Variants in NFX1 observed in about 807,000 individuals in gnomAD.
NFX1 encodes the protein transcriptional repressor NF-X1.
Under a neutral mutation model 137.2 loss-of-function variants are expected in NFX1, and 69 were observed. The ratio of observed to expected loss-of-function variants is 0.50; its 90% CI spans 0.41 to 0.61. NFX1 has a LOEUF of 0.61. Ranked by LOEUF, NFX1 falls within the 20% of genes least tolerant of loss-of-function variation. The pLI, the probability that NFX1 is intolerant of heterozygous loss-of-function variation, is 0.00. For missense variants in NFX1, 1,167 were observed against 1,391.0 expected (o/e 0.84, Z 2.56); for synonymous variants, 495 against 474.1 (o/e 1.04, Z -0.57).
At chr9:33,366,507 A>G (rs1824173476) in intron 21 of NFX1, 122 bp from the exon 22 acceptor site, 2 of 1,183,444 alleles carry the variant, frequency 1.7e-6, no homozygotes, top group Non-Finnish European at 2.4e-6. Flanking sequence ...AAAATGCTCT[A>G]TGCTGTGGGC....
intron 7 of NFX1, 32 bp downstream of exon 7, chr9:33,313,825 TG>T: frequency 6.3e-7 from 1 of 1,599,182 alleles, no homozygotes; most frequent in Non-Finnish European, 8.6e-7. Context: ...TAGCAATGCT[TG>T]TGTTCTTTTC....
chr9:33,317,429 AAAAAAAG>A (rs1392851771), intron 7 of NFX1, among the ~76,000 whole-genome samples: 6 of 150,330 alleles, frequency 4.0e-5, no homozygotes, highest in Non-Finnish European at 8.9e-5. Flanking sequence ...CAAAAAAAAA[AAAAAAAG>A]AAAGAAAGAA....
At chr9:33,318,395 G>A (rs1475832512) in intron 7 of NFX1, among the ~76,000 whole-genome samples, 3 of 152,152 alleles carry the variant, frequency 2.0e-5, no homozygotes, top group African/African-American at 4.8e-5. Flanking sequence ...GTTCAGCCAC[G>A]GCCTTATGGA....
At position 33,354,123 on chromosome 9, in the gene NFX1, A is replaced by C. The variant is rs766324581; in HGVS notation, c.2767A>C (p.Met923Leu). 1 of 1,613,344 alleles carries C rather than the reference A, an allele frequency of 6.2e-7. No homozygotes were observed. The highest frequency in any genetic ancestry group is 1.1e-5 in the South Asian group (1 of 90,884). ...CTCCATGGCCTCTAAGATAACAGAC[A>C]TGCAGCTTGGAGGTTCAGTGGAGAT... is the stretch of plus-strand genomic sequence containing the variant. ...AISMASKITD[M>L]QLGGSVEISK... The change falls in exon 18 of 24, where the codon ATG becomes CTG. Residue 923 changes from methionine to leucine, a missense_variant. Met to Leu is a conservative substitution (Grantham distance 15, BLOSUM62 2). Transcript: ENST00000379540.
In NFX1 at chr9:33,294,669, G is replaced by A; in HGVS notation, c.275G>A (p.Cys92Tyr). ...SQQTSFQSSP[C>Y]NKSPKSHGLQ... is the part of the protein sequence containing the mutation. ...CAGACGTCTTTCCAGTCCTCTCCTT[G>A]TAATAAATCGCCCAAGAGCCATGGC... The change falls in exon 2 of 24, where the codon TGT becomes TAT. Residue 92 changes from cysteine (C) to tyrosine (Y), a missense_variant. Physicochemically the swap from Cys to Tyr is radical, Grantham distance 194 (BLOSUM62 -2). Coordinates refer to ENST00000379540, the MANE Select transcript of NFX1 (RefSeq NM_002504.6). The A allele has an allele frequency of 6.2e-7, 1 of 1,614,122 alleles. No homozygotes were observed. Among genetic ancestry groups the A allele is most frequent in the East Asian group, 2.2e-5 (1 of 44,880 alleles).
rs530096574 is a variant in NFX1, at chr9:33,366,712, T to C, written c.3123T>C (p.Tyr1041=). 2.5e-6 allele frequency: 4 copies of C among 1,614,224 alleles called. No homozygotes were observed. In the Admixed American group the frequency reaches 5.0e-5, roughly 20 times the overall value. Residue 1041 remains tyrosine (Y), a synonymous_variant, in exon 22 of 24, where the codon TAT becomes TAC. Transcript: ENST00000379540. The part of the protein sequence containing the change: ...RRIIHDLAQV[Y]GLESVSYDSE... ...TCATCCATGACTTGGCCCAAGTTTATGGCCTGGAGAGCGTGAGCTATGACA... is the reference window on the plus strand; with the variant it reads ...TCATCCATGACTTGGCCCAAGTTTACGGCCTGGAGAGCGTGAGCTATGACA...
intron 19 of NFX1, among the ~76,000 whole-genome samples, chr9:33,358,791 A>T (rs1823900638): frequency 6.6e-6 from 1 of 151,008 alleles, no homozygotes; most frequent in Admixed American, 6.6e-5. Flanking sequence ...CCTCCCAAGT[A>T]GCTGGAACTG....
rs564857007 is a variant in NFX1, at chr9:33,328,798, C to G, written c.2004+120C>G. On this transcript the variant is annotated intron_variant, in intron 10 of 23. Transcript: ENST00000379540. ...AGGTATGGGAAGTGGTTGTGGCACTCAAGGTCCAGAGGCCTATAGTGGGAT... is the reference window on the plus strand; with the variant it reads ...AGGTATGGGAAGTGGTTGTGGCACTGAAGGTCCAGAGGCCTATAGTGGGAT... The G allele has an allele frequency of 6.6e-6, 5 of 755,040 alleles. No homozygotes were observed. The South Asian group carries it at 8.6e-5, about 13-fold the overall frequency. 46.8% of individuals were successfully genotyped at this position (755,040 alleles called of 1,614,324 possible). A position where few individuals can be genotyped will look rare whatever the true frequency, so the allele number is the denominator to read the frequency against.
At chr9:33,364,986 A>G (rs1824128446) in intron 21 of NFX1, 10 of 1,370,028 alleles carry the variant, frequency 7.3e-6, no homozygotes, top group Middle Eastern at 2.8e-4. Context: ...GAAAAGATCT[A>G]CAGTCGGCTG....
intron 10 of NFX1, 82 bp from the exon 11 acceptor site, chr9:33,332,390 T>C: frequency 7.5e-7 from 1 of 1,327,786 alleles, no homozygotes; most frequent in Admixed American, 1.9e-5. Context: ...TGGGATATTC[T>C]TGTTACCTAT....
chr9:33,364,861 A>G, intron 21 of NFX1, 87 bp downstream of exon 21: 4 of 1,557,490 alleles, frequency 2.6e-6, no homozygotes, highest in Non-Finnish European at 3.5e-6. Flanking sequence ...AACACTTTCA[A>G]CCTAGAGTAG....
At chr9:33,311,448 G>A (rs1291119437) in intron 6 of NFX1, among the ~76,000 whole-genome samples, 2 of 152,178 alleles carry the variant, frequency 1.3e-5, no homozygotes, top group African/African-American at 2.4e-5. Flanking sequence ...GTAGTTCCCT[G>A]TGCTGCCCAT....
At chr9:33,354,724 G>A (rs146247251) in intron 18 of NFX1, 127 bp from the exon 19 acceptor site, 1 of 810,806 alleles carries the variant, frequency 1.2e-6, no homozygotes, top group African/African-American at 1.8e-5. Context: ...CTGCTTCCTG[G>A]CCTGAGGGAT....
intron 10 of NFX1, among the ~76,000 whole-genome samples, 161 bp downstream of exon 10, chr9:33,328,839 A>G (rs531442809): frequency 6.6e-6 from 1 of 152,298 alleles, no homozygotes; most frequent in East Asian, 1.9e-4. Context: ...AAATATACAG[A>G]TCACTCTACC....
At chr9:33,351,088 GA>G in intron 15 of NFX1, among the ~76,000 whole-genome samples, 1 of 152,216 alleles carries the variant, frequency 6.6e-6, no homozygotes, top group East Asian at 1.9e-4. Flanking sequence ...AGGTTGCAGT[GA>G]GCCCCGAGAT....
chr9:33,334,628 A>G (rs982329873), intron 11 of NFX1, among the ~76,000 whole-genome samples: 2 of 152,218 alleles, frequency 1.3e-5, no homozygotes, highest in East Asian at 3.8e-4. Context: ...TAAACATGCC[A>G]GCATAGTTTT....
chr9:33,332,815 T>TATGG (rs1822856001), intron 11 of NFX1, among the ~76,000 whole-genome samples: 1 of 152,186 alleles, frequency 6.6e-6, no homozygotes, highest in South Asian at 2.1e-4. Context: ...GATATGGGCA[T>TATGG]ATGGATGTTC....
At chr9:33,321,832 A>G (rs1822395546) in intron 9 of NFX1, among the ~76,000 whole-genome samples, 2 of 150,702 alleles carry the variant, frequency 1.3e-5, no homozygotes, top group African/African-American at 4.9e-5. Flanking sequence ...TGAGCCATGA[A>G]TGCAGCACTG....
At chr9:33,329,405 A>G (rs2118474390) in intron 10 of NFX1, among the ~76,000 whole-genome samples, 1 of 152,204 alleles carries the variant, frequency 6.6e-6, no homozygotes, top group South Asian at 2.1e-4. Context: ...CCCCTGCCCT[A>G]AAACTATCCA....
Sources: allele counts gnomAD v4.1 joint callset (sites outside exome capture counted in the v4.1 genomes callset), GRCh38; gene constraint gnomAD v4.1.1; transcripts MANE v1.5; gene names NCBI Gene and HGNC (gene_info 2026-07-23, HGNC 2026-07-21).